Variants in EVL observed in about 807,000 individuals in gnomAD.
EVL encodes ena/VASP-like protein.
Under a neutral mutation model 59.6 loss-of-function variants are expected in EVL, and 21 were observed. The observed-to-expected ratio is 0.35, with a 90% confidence interval of 0.25 to 0.51. The LOEUF (loss-of-function observed/expected upper bound fraction) is 0.51. Ranked by LOEUF, EVL falls within the 20% of genes least tolerant of loss-of-function variation. The pLI is 0.97. For missense variants in EVL, 462 were observed against 546.6 expected (o/e 0.85, Z 1.54); for synonymous variants, 198 against 203.5 (o/e 0.97, Z 0.23).
At chr14:100,006,285 T>TC (rs1208317825) in intron 1 of EVL, among the ~76,000 whole-genome samples, 2 of 95,838 alleles carry the variant, frequency 2.1e-5, no homozygotes, top group African/African-American at 3.5e-5. Flanking sequence ...TTGTTAATCT[T>TC]TTTTTTTTTT....
At chr14:100,068,238 G>T (rs2061975627) in intron 1 of EVL, among the ~76,000 whole-genome samples, 1 of 152,176 alleles carries the variant, frequency 6.6e-6, no homozygotes. Flanking sequence ...ATCCTCAGCT[G>T]GGGACGAGGC....
At chr14:100,017,552 C>T (rs1466409887) in intron 1 of EVL, among the ~76,000 whole-genome samples, 2 of 152,154 alleles carry the variant, frequency 1.3e-5, no homozygotes, top group African/African-American at 4.8e-5. Context: ...ATGAGAGAGG[C>T]GTGGGCAGTA....
At chr14:100,091,660 C>A (rs544156598) in intron 2 of EVL, among the ~76,000 whole-genome samples, 1 of 152,210 alleles carries the variant, frequency 6.6e-6, no homozygotes, top group South Asian at 2.1e-4. Context: ...TTAAGAAACC[C>A]GTAAACCTAG....
intron 1 of EVL, among the ~76,000 whole-genome samples, chr14:100,074,029 G>A (rs896313858): frequency 6.6e-6 from 1 of 150,938 alleles, no homozygotes; most frequent in Non-Finnish European, 1.5e-5. Context: ...GGGGGTCGGG[G>A]AGCAGTGTGA....
intron 4 of EVL, 93 bp from the exon 5 acceptor site, chr14:100,126,614 C>T: frequency 7.0e-7 from 1 of 1,421,710 alleles, no homozygotes; most frequent in East Asian, 2.3e-5. Flanking sequence ...AAACCTGACT[C>T]TGAAGCCGGG....
At chr14:99,987,866 G>A (rs564904659) in intron 1 of EVL, among the ~76,000 whole-genome samples, 13 of 148,216 alleles carry the variant, frequency 8.8e-5, no homozygotes, top group African/African-American at 3.2e-4. Context: ...ATAGCAGCTT[G>A]AATAGACTAA....
At chr14:99,977,491 C>G (rs1169536935) in intron 1 of EVL, 1 of 152,202 alleles carries the variant, frequency 6.6e-6, no homozygotes, top group Non-Finnish European at 1.5e-5. Context: ...CTCCATCTCC[C>G]AGGTTCAAGT....
intron 1 of EVL, among the ~76,000 whole-genome samples, chr14:100,028,130 G>GTTTTTTTTTTTTTT (rs756735010): frequency 4.0e-5 from 4 of 99,604 alleles, no homozygotes; most frequent in African/African-American, 1.5e-4. Context: ...TTTTTTGTTT[G>GTTTTTTTTTTTTTT]TTTGTTTTTT....
At position 99,999,057 on chromosome 14, in the gene EVL, A is replaced by G. The variant is rs534323812; in HGVS notation, c.5+27000A>G. Among the ~76,000 whole-genome samples, 3 of 151,858 alleles carry G rather than the reference A, an allele frequency of 2.0e-5. No individual in the cohort carries two copies. In the East Asian group the frequency reaches 5.8e-4, roughly 29 times the overall value. On this transcript the variant is annotated intron_variant, in intron 1 of 13. Transcript: ENST00000402714. The stretch of plus-strand genomic sequence containing the variant: ...ATTTATAAATTATAGTAATTTATAA[A>G]TTTATAATAATTTTCTATAATGTTT...
intron 7 of EVL, among the ~76,000 whole-genome samples, chr14:100,131,380 G>T (rs938468375): frequency 1.3e-5 from 2 of 152,160 alleles, no homozygotes; most frequent in Non-Finnish European, 2.9e-5. Context: ...GGATCAATCA[G>T]GTGCTCTCTG....
chr14:99,999,518 C>T (rs2060933059), intron 1 of EVL, among the ~76,000 whole-genome samples: 1 of 152,198 alleles, frequency 6.6e-6, no homozygotes, highest in African/African-American at 2.4e-5. Context: ...TAACTTTTAG[C>T]TAAATGTGGT....
chr14:100,082,195 G>C (rs1411015874), intron 1 of EVL, among the ~76,000 whole-genome samples: 4 of 149,048 alleles, frequency 2.7e-5, no homozygotes, highest in Non-Finnish European at 5.9e-5. Context: ...ATCCCTCCAG[G>C]CTGGATAAGG....
intron 1 of EVL, among the ~76,000 whole-genome samples, chr14:100,021,888 G>A (rs554888325): frequency 6.6e-6 from 1 of 151,978 alleles, no homozygotes; most frequent in African/African-American, 2.4e-5. Context: ...GTGAACCACC[G>A]GTCACTTGGG....
intron 3 of EVL, among the ~76,000 whole-genome samples, chr14:100,104,720 A>G (rs1358412045): frequency 1.9e-4 from 29 of 152,216 alleles, no homozygotes; most frequent in Non-Finnish European, 1.5e-5. Context: ...AACTATCAGA[A>G]GTCTGAGTGC....
intron 1 of EVL, among the ~76,000 whole-genome samples, chr14:99,992,249 T>A (rs2060880384): frequency 3.3e-5 from 5 of 152,216 alleles, no homozygotes; most frequent in Non-Finnish European, 5.9e-5. Flanking sequence ...TGTGTATATC[T>A]TCTTTGGAGA....
intron 1 of EVL, chr14:100,053,118 C>G (rs2140250129): frequency 6.6e-6 from 1 of 152,234 alleles, no homozygotes; most frequent in African/African-American, 2.4e-5. Flanking sequence ...TTCTGCAGGC[C>G]CTGTCTCTAG....
chr14:100,051,231 C>T (rs2061642940), intron 1 of EVL, among the ~76,000 whole-genome samples: 1 of 152,188 alleles, frequency 6.6e-6, no homozygotes, highest in African/African-American at 2.4e-5. Context: ...CTGTCCTGCT[C>T]CGTCCTGACT....
intron 1 of EVL, among the ~76,000 whole-genome samples, chr14:100,078,322 A>T (rs1270657370): frequency 6.6e-6 from 1 of 152,198 alleles, no homozygotes; most frequent in Non-Finnish European, 1.5e-5. Flanking sequence ...AAACCTGTGA[A>T]GGAGGCTGAG....
intron 9 of EVL, among the ~76,000 whole-genome samples, chr14:100,136,839 C>T (rs1888825195): frequency 1.3e-5 from 2 of 152,164 alleles, no homozygotes; most frequent in African/African-American, 4.8e-5. Context: ...CTACGTGGTT[C>T]CCATCTGTGT....
Sources: allele counts gnomAD v4.1 joint callset (sites outside exome capture counted in the v4.1 genomes callset), GRCh38; gene constraint gnomAD v4.1.1; transcripts MANE v1.5; gene names NCBI Gene and HGNC (gene_info 2026-07-23, HGNC 2026-07-21).